CDH11: variants seen among roughly 807,000 people sequenced by gnomAD.
CDH11 encodes the protein cadherin 11.
CDH11 carries 11 observed loss-of-function variants against 67.8 expected under a neutral mutation model. The ratio of observed to expected loss-of-function variants is 0.16; its 90% CI spans 0.10 to 0.27. CDH11 has a LOEUF of 0.27. Among genes scored for constraint, CDH11 ranks in the 10% least tolerant of loss-of-function variants. The pLI is 1.00. For missense variants in CDH11, 847 were observed against 1,031.2 expected, an observed-to-expected ratio of 0.82 and a Z score of 2.45; for synonymous variants, 419 against 400.0, an observed-to-expected ratio of 1.05 and a Z score of -0.57.
At chr16:64,979,505 C>T (rs552257460) in intron 8 of CDH11, among the ~76,000 whole-genome samples, 1 of 152,078 alleles carries the variant, frequency 6.6e-6, no homozygotes, top group East Asian at 1.9e-4. Flanking sequence ...TATGAAAATA[C>T]AAATCAAAAC....
chr16:64,968,494 C>A (rs2071907077), intron 11 of CDH11: 8 of 985,150 alleles, frequency 8.1e-6, no homozygotes, highest in Non-Finnish European at 9.6e-6. Flanking sequence ...ATTAACAGCC[C>A]AAGATGGACT....
intron 1 of CDH11, among the ~76,000 whole-genome samples, chr16:65,058,137 G>A (rs931803002): frequency 1.3e-5 from 2 of 152,072 alleles, no homozygotes; most frequent in Admixed American, 6.5e-5. Flanking sequence ...CTTGAGGATC[G>A]TTTGAGCCTG....
rs74026229 is a variant in CDH11 at position 65,026,365 on chromosome 16, C to T, written c.-172-21324G>A. ...ATTTAGTTCATATGCCTAGCTAATGCCCAAAATGGAATTTGAAGCTATATA... is the reference window on the plus strand; with the variant it reads ...ATTTAGTTCATATGCCTAGCTAATGTCCAAAATGGAATTTGAAGCTATATA... On this transcript the variant is annotated intron_variant, in intron 2 of 12. Coordinates refer to ENST00000268603, the MANE Select transcript of CDH11 (RefSeq NM_001797.4). 5.9e-3 allele frequency among the ~76,000 whole-genome samples: 898 copies of T among 152,162 alleles called. 15 individuals carry two copies. Among genetic ancestry groups the T allele is most frequent in the African/African-American group, 0.021 (873 of 41,512 alleles).
intron 2 of CDH11, chr16:65,007,078 A>G (rs1223468519): frequency 6.6e-6 from 1 of 152,248 alleles, no homozygotes; most frequent in African/African-American, 2.4e-5. Context: ...CAAATAAGTT[A>G]CTTGGGATAC....
At chr16:64,966,377 T>C (rs551771342) in intron 11 of CDH11, among the ~76,000 whole-genome samples, 48 of 152,042 alleles carry the variant, frequency 3.2e-4, no homozygotes, top group African/African-American at 9.6e-4. Flanking sequence ...TGAAAAATAA[T>C]TCTAAATTAT....
Position 64,950,963 on chromosome 16 carries a change from G to A in CDH11, c.1698C>T (p.Asp566=), listed in dbSNP as rs753510203. 5 of 1,614,060 alleles carry A rather than the reference G, an allele frequency of 3.1e-6. No individual in the cohort carries two copies. The highest frequency in any genetic ancestry group is 3.4e-6 in the Non-Finnish European group (4 of 1,179,950). The change falls in exon 12 of 13, where the codon GAC becomes GAT. Residue 566 remains aspartate (D), a synonymous_variant. Coordinates refer to ENST00000268603, the MANE Select transcript of CDH11 (RefSeq NM_001797.4). ...RRGGFSRQKQ[D]LYLLPIVISD... is the part of the protein sequence containing the mutation. ...TGATCACTATGGGCAGAAGGTACAA[G>A]TCCTGCTTCTGCCGACTGAACCCTC...
intron 11 of CDH11, among the ~76,000 whole-genome samples, chr16:64,969,158 G>T (rs190853060): frequency 6.6e-6 from 1 of 152,082 alleles, no homozygotes; most frequent in South Asian, 2.1e-4. Flanking sequence ...GATGGTATCC[G>T]CAAAGTATTG....
intron 1 of CDH11, among the ~76,000 whole-genome samples, chr16:65,083,344 G>C (rs1426310692): frequency 6.6e-6 from 1 of 152,234 alleles, no homozygotes; most frequent in Admixed American, 6.5e-5. Context: ...AGAAGGACGT[G>C]AGAGCACATT....
intron 1 of CDH11, among the ~76,000 whole-genome samples, chr16:65,086,255 C>A (rs1346094084): frequency 6.6e-6 from 1 of 152,166 alleles, no homozygotes; most frequent in Non-Finnish European, 1.5e-5. Context: ...GCAGCTAGTA[C>A]CAGGATGCTG....
At chr16:65,114,818 G>T (rs2075215682) in intron 1 of CDH11, among the ~76,000 whole-genome samples, 1 of 152,074 alleles carries the variant, frequency 6.6e-6, no homozygotes, top group African/African-American at 2.4e-5. Context: ...AGAGGGTGAG[G>T]ACTCCGTTAT....
At chr16:65,093,091 C>G (rs986803519) in intron 1 of CDH11, among the ~76,000 whole-genome samples, 1 of 151,878 alleles carries the variant, frequency 6.6e-6, no homozygotes, top group Non-Finnish European at 1.5e-5. Context: ...CATGTGCCAC[C>G]ACACTCAGCT....
intron 6 of CDH11, among the ~76,000 whole-genome samples, chr16:64,991,089 TGG>T (rs1417605330): frequency 6.6e-6 from 1 of 152,140 alleles, no homozygotes; most frequent in Non-Finnish European, 1.5e-5. Flanking sequence ...CAGTTTCCAG[TGG>T]AAACTTCTGA....
intron 2 of CDH11, among the ~76,000 whole-genome samples, chr16:65,006,570 C>A: frequency 6.6e-6 from 1 of 152,144 alleles, no homozygotes; most frequent in Middle Eastern, 3.2e-3. Flanking sequence ...ATTGTTGCAC[C>A]CATACAGGCC....
In CDH11 at chr16:65,116,844, C is replaced by A. The variant is rs147515239; in HGVS notation, c.-298+5036G>T. Among the ~76,000 whole-genome samples, 630 of 152,126 alleles carry A rather than the reference C, an allele frequency of 4.1e-3. 5 individuals carry two copies. Among genetic ancestry groups the A allele is most frequent in the African/African-American group, 0.014 (592 of 41,480 alleles). On this transcript the variant is annotated intron_variant, in intron 1 of 12. Transcript: ENST00000268603. ...TCTCTCTCATACTTTTGAGTTTCTT[C>A]CTCCTTTCCCTCTCTTCTCTCTCAC...
At chr16:65,110,916 AG>A (rs945925850) in intron 1 of CDH11, among the ~76,000 whole-genome samples, 17 of 152,192 alleles carry the variant, frequency 1.1e-4, no homozygotes, top group African/African-American at 3.9e-4. Flanking sequence ...AAATGGAATG[AG>A]TAACACATGG....
intron 1 of CDH11, among the ~76,000 whole-genome samples, chr16:65,110,186 A>G (rs994196998): frequency 6.6e-6 from 1 of 152,148 alleles, no homozygotes; most frequent in Middle Eastern, 3.2e-3. Flanking sequence ...AATGTTTACT[A>G]AAACCTCCTT....
intron 2 of CDH11, among the ~76,000 whole-genome samples, chr16:65,039,408 A>G (rs1278161811): frequency 1.3e-5 from 2 of 152,184 alleles, no homozygotes; most frequent in Admixed American, 6.5e-5. Flanking sequence ...ATAATGCTGC[A>G]TATCTACAAC....
At chr16:65,017,502 C>G (rs1222480108) in intron 2 of CDH11, among the ~76,000 whole-genome samples, 1 of 152,112 alleles carries the variant, frequency 6.6e-6, no homozygotes, top group Non-Finnish European at 1.5e-5. Flanking sequence ...AAATGGAAAT[C>G]TGAAAGATTA....
At chr16:64,979,736 G>GAGCATATACCT (rs2072280140) in intron 8 of CDH11, among the ~76,000 whole-genome samples, 9 of 152,114 alleles carry the variant, frequency 5.9e-5, no homozygotes, top group African/African-American at 2.2e-4. Flanking sequence ...GCCCAGGAAA[G>GAGCATATACCT]AGGAAAACAT....
Sources: allele counts gnomAD v4.1 joint callset (sites outside exome capture counted in the v4.1 genomes callset), GRCh38; gene constraint gnomAD v4.1.1; transcripts MANE v1.5; gene names NCBI Gene and HGNC (gene_info 2026-07-23, HGNC 2026-07-21).